Variants in IGF2BP3 observed in about 807,000 individuals in gnomAD.
The protein encoded by IGF2BP3 is insulin-like growth factor 2 mRNA-binding protein 3.
In IGF2BP3, 9 loss-of-function variants were observed where a neutral mutation model predicts 73.8. The ratio of observed to expected loss-of-function variants is 0.12; its 90% CI spans 0.07 to 0.21. The LOEUF is 0.21. Ranked by LOEUF, IGF2BP3 falls within the 10% of genes least tolerant of loss-of-function variation. The pLI is 1.00. For synonymous variants in IGF2BP3, 258 were observed against 256.7 expected (o/e 1.01, Z -0.05); for missense variants, 542 against 714.0 (o/e 0.76, Z 2.75).
chr7:23,333,224 AT>A (rs1238913465), intron 10 of IGF2BP3, among the ~76,000 whole-genome samples: 1 of 152,252 alleles, frequency 6.6e-6, no homozygotes, highest in African/African-American at 2.4e-5. Context: ...CTCGCAGCTA[AT>A]TTTTTAAAAA....
At chr7:23,354,822 A>G (rs563938200) in intron 5 of IGF2BP3, among the ~76,000 whole-genome samples, 8 of 152,258 alleles carry the variant, frequency 5.3e-5, no homozygotes, top group East Asian at 3.9e-4. Context: ...GACAGCCACT[A>G]CTGTGTGTAC....
intron 5 of IGF2BP3, 117 bp downstream of exon 5, chr7:23,361,417 G>C: frequency 1.3e-6 from 1 of 753,942 alleles, no homozygotes; most frequent in Non-Finnish European, 2.2e-6. Flanking sequence ...GTCAAATTTT[G>C]TAAAATAAAG....
At chr7:23,455,772 G>A (rs888165227) in intron 2 of IGF2BP3, among the ~76,000 whole-genome samples, 5 of 152,072 alleles carry the variant, frequency 3.3e-5, no homozygotes, top group Admixed American at 1.3e-4. Context: ...TGCAAGCTCC[G>A]CCTCCCGGAT....
intron 2 of IGF2BP3, among the ~76,000 whole-genome samples, chr7:23,429,480 T>C (rs1787612933): frequency 6.6e-6 from 1 of 152,200 alleles, no homozygotes; most frequent in Non-Finnish European, 1.5e-5. Flanking sequence ...CTCCTAACCA[T>C]ACTCTAGTCG....
At position 23,359,048 on chromosome 7, in the gene IGF2BP3, T is replaced by C. The variant is rs1158529323; in HGVS notation, c.401+2486A>G. On this transcript the variant is annotated intron_variant, in intron 5 of 14. Coordinates refer to ENST00000258729, the MANE Select transcript of IGF2BP3 (RefSeq NM_006547.3). Reference sequence around the variant, plus strand: ...AATCAAAATGCCTAATTTATTTAAGTTACCTAATTACTAAATTATACAATT... The same window carrying C: ...AATCAAAATGCCTAATTTATTTAAGCTACCTAATTACTAAATTATACAATT... Among the ~76,000 whole-genome samples, 3 of 152,352 alleles carry C rather than the reference T, an allele frequency of 2.0e-5. No homozygotes were observed. In the East Asian group the frequency reaches 5.8e-4, roughly 29 times the overall value.
intron 2 of IGF2BP3, among the ~76,000 whole-genome samples, chr7:23,436,151 T>C (rs1037585888): frequency 2.0e-5 from 3 of 152,096 alleles, no homozygotes; most frequent in African/African-American, 7.2e-5. Flanking sequence ...TATTAACCAA[T>C]CATAATGGAA....
chr7:23,452,105 C>T (rs373551297), intron 2 of IGF2BP3, among the ~76,000 whole-genome samples: 279 of 151,808 alleles, frequency 1.8e-3, no homozygotes, highest in African/African-American at 3.7e-3. Context: ...CCTGGGTCCA[C>T]GCCATTCTCT....
intron 3 of IGF2BP3, among the ~76,000 whole-genome samples, chr7:23,415,842 T>C (rs937577627): frequency 6.6e-6 from 1 of 152,244 alleles, no homozygotes; most frequent in Non-Finnish European, 1.5e-5. Context: ...TTCTTTCGCC[T>C]TTCAGCACCT....
chr7:23,359,721 C>G (rs1203385042), intron 5 of IGF2BP3, among the ~76,000 whole-genome samples: 1 of 151,956 alleles, frequency 6.6e-6, no homozygotes, highest in East Asian at 1.9e-4. Context: ...AGTCTCATAA[C>G]CCAGCCTCAA....
chr7:23,417,124 C>T (rs968276085), intron 3 of IGF2BP3, among the ~76,000 whole-genome samples: 3 of 152,122 alleles, frequency 2.0e-5, no homozygotes, highest in Non-Finnish European at 4.4e-5. Context: ...ATAGTGTTCC[C>T]TCAAGCCTTT....
intron 2 of IGF2BP3, among the ~76,000 whole-genome samples, chr7:23,423,081 T>G (rs1320194958): frequency 6.6e-6 from 1 of 152,220 alleles, no homozygotes. Flanking sequence ...AGCCCTGCAG[T>G]TAGCGTTTGA....
At chr7:23,354,225 T>A (rs370335443) in intron 5 of IGF2BP3, among the ~76,000 whole-genome samples, 4 of 152,190 alleles carry the variant, frequency 2.6e-5, no homozygotes, top group African/African-American at 9.7e-5. Context: ...ACTCTTGACC[T>A]CAGGTGATCC....
rs117368227 is a variant in IGF2BP3 at position 23,467,021 on chromosome 7, T to G, written c.236+1461A>C. Among the ~76,000 whole-genome samples the G allele has an allele frequency of 2.2e-3, 329 of 152,354 alleles. 3 individuals are homozygous for G. The highest frequency in any genetic ancestry group is 0.018 in the East Asian group (93 of 5,192). ...CCAATTCAGGCTATGGCTTTAAGCT[T>G]CTTTTTACGGGAATATGACTTCTCC... On this transcript the variant is annotated intron_variant, in intron 2 of 14. Transcript: ENST00000258729.
intron 2 of IGF2BP3, among the ~76,000 whole-genome samples, chr7:23,440,080 G>A (rs866038764): frequency 6.6e-6 from 1 of 152,166 alleles, no homozygotes; most frequent in South Asian, 2.1e-4. Flanking sequence ...TGGCTAATAC[G>A]GTGAAACCCC....
At position 23,447,158 on chromosome 7, in the gene IGF2BP3, G is replaced by A. The variant is rs528761596; in HGVS notation, c.236+21324C>T. 5.3e-5 allele frequency among the ~76,000 whole-genome samples: 8 copies of A among 151,330 alleles called. No individual in the cohort carries two copies. In the East Asian group the frequency reaches 9.8e-4, roughly 19 times the overall value. On this transcript the variant is annotated intron_variant, in intron 2 of 14. Transcript: ENST00000258729. ...AGAGGATGCAGTGAGCCGAGATCGC[G>A]CCACTGCACTCCAGCCTGGTCGACA... is the stretch of plus-strand genomic sequence containing the variant.
At chr7:23,374,698 T>C (rs775758256) in intron 3 of IGF2BP3, among the ~76,000 whole-genome samples, 13 of 151,960 alleles carry the variant, frequency 8.6e-5, no homozygotes, top group Non-Finnish European at 1.5e-4. Context: ...ATGATGATGA[T>C]GATAAATAAG....
At chr7:23,403,502 C>T (rs1314348725) in intron 3 of IGF2BP3, among the ~76,000 whole-genome samples, 2 of 152,046 alleles carry the variant, frequency 1.3e-5, no homozygotes, top group African/African-American at 4.8e-5. Context: ...TGGAACATTA[C>T]ATAGGAGGAA....
chr7:23,361,796 A>G (rs1785237558), intron 3 of IGF2BP3, 55 bp from the exon 4 acceptor site: 1 of 1,475,980 alleles, frequency 6.8e-7, no homozygotes, highest in African/African-American at 1.4e-5. Flanking sequence ...GTTATTATCA[A>G]GGGCAGGAAT....
intron 2 of IGF2BP3, among the ~76,000 whole-genome samples, chr7:23,456,791 C>G (rs575128272): frequency 6.6e-6 from 1 of 152,110 alleles, no homozygotes; most frequent in African/African-American, 2.4e-5. Context: ...GGCTCACGCC[C>G]GTAATCCCAG....
Sources: allele counts gnomAD v4.1 joint callset (sites outside exome capture counted in the v4.1 genomes callset), GRCh38; gene constraint gnomAD v4.1.1; transcripts MANE v1.5; gene names NCBI Gene and HGNC (gene_info 2026-07-23, HGNC 2026-07-21).